Variants in CUL2 observed in about 807,000 individuals in gnomAD.
CUL2 encodes cullin 2.
A neutral mutation model predicts 110.2 loss-of-function variants in CUL2; 22 were observed. The ratio of observed to expected loss-of-function variants is 0.20; its 90% confidence interval spans 0.14 to 0.28. The LOEUF (loss-of-function observed/expected upper bound fraction) is 0.28, where lower values mean the gene tolerates loss of function less well. Ranked by LOEUF, CUL2 falls within the 10% of genes least tolerant of loss-of-function variation. The probability of loss-of-function intolerance (pLI) is 1.00; values close to 1 mark genes in which losing one functional copy is unlikely to be tolerated. For missense variants in CUL2, 631 were observed against 905.5 expected (o/e 0.70, Z 3.89); for synonymous variants, 279 against 293.2 (o/e 0.95, Z 0.49).
intron 1 of CUL2, among the ~76,000 whole-genome samples, chr10:35,103,499 A>AT (rs1288439939): frequency 6.7e-6 from 1 of 149,814 alleles, no homozygotes; most frequent in Admixed American, 6.7e-5. Flanking sequence ...TAATTTTTGT[A>AT]TTTTTAGTAG....
Position 35,115,718 on chromosome 10 carries a change from A to G in CUL2, c.-51+10887T>C, listed in dbSNP as rs532931215. Among the ~76,000 whole-genome samples the G allele has an allele frequency of 5.9e-5, 9 of 152,024 alleles. No individual in the cohort carries two copies. In the South Asian group the frequency reaches 1.9e-3, roughly 32 times the overall value. On this transcript the variant is annotated intron_variant, in intron 1 of 5. Transcript: ENST00000685421. ...AGACCTGCCTGGGCAACATAGTGAC[A>G]CCCCCATCACTACAAAAAAATACAA...
upstream of CUL2, chr10:35,126,996 G>C (rs1335713290): frequency 6.6e-6 from 1 of 152,566 alleles, no homozygotes; most frequent in African/African-American, 2.4e-5. Context: ...GTCGGCTGCA[G>C]CGCTACTTTT....
intron 17 of CUL2, among the ~76,000 whole-genome samples, chr10:35,023,935 A>C (rs1056501271): frequency 1.3e-5 from 2 of 152,152 alleles, no homozygotes; most frequent in Admixed American, 6.5e-5. Context: ...CGTGGGCTCA[A>C]GTGATCCTCC....
intron 1 of CUL2, among the ~76,000 whole-genome samples, chr10:35,076,922 G>A (rs751674135): frequency 6.6e-6 from 1 of 151,942 alleles, no homozygotes; most frequent in Non-Finnish European, 1.5e-5. Flanking sequence ...TGTGGTTGTG[G>A]GCACCTGTAG....
At chr10:35,106,507 T>C (rs1423941517) in intron 1 of CUL2, among the ~76,000 whole-genome samples, 1 of 151,500 alleles carries the variant, frequency 6.6e-6, no homozygotes, top group African/African-American at 2.4e-5. Flanking sequence ...TCTTTTTTTT[T>C]CTTTTTTTTA....
intron 1 of CUL2, chr10:35,118,608 T>C (rs1355701007): frequency 6.6e-6 from 1 of 152,244 alleles, no homozygotes; most frequent in African/African-American, 2.4e-5. Flanking sequence ...CACTTGACTT[T>C]CTCTGGTATA....
At chr10:35,023,493 A>G (rs1564700672) in intron 17 of CUL2, among the ~76,000 whole-genome samples, 1 of 152,234 alleles carries the variant, frequency 6.6e-6, no homozygotes. Flanking sequence ...AAAGAAAGTT[A>G]TTCTCTTTCC....
rs984826381 is a variant in CUL2 at position 35,050,194 on chromosome 10, G to A, written c.424-429C>T. ...AAATGAGCCTGGTGTGGTGGCATGC[G>A]CCTGTAATCCCAGCTACTCGGGAGG... On this transcript the variant is annotated intron_variant, in intron 5 of 20. Coordinates refer to ENST00000374749, the MANE Select transcript of CUL2 (RefSeq NM_003591.4). 4.6e-5 allele frequency among the ~76,000 whole-genome samples: 7 copies of A among 151,958 alleles called. 1 individual carries two copies. Among genetic ancestry groups the A allele is most frequent in the South Asian group, 4.1e-4 (2 of 4,832 alleles).
In CUL2 at chr10:35,038,859, AGAG is replaced by A; in HGVS notation, c.877+58_877+60del. 4.5e-6 allele frequency: 5 copies of A among 1,118,534 alleles called. No individual in the cohort carries two copies. The South Asian group carries it at 4.8e-5, about 11-fold the overall frequency. The allele number at this position is 1,118,534 out of a possible 1,614,324, so 69.3% of individuals were successfully genotyped here. ...AATAGGCATTAAATCAAGGGTGACTAGAGGATGATATAAAAGGTGGATTTATAA... is the reference window on the plus strand; with the variant it reads ...AATAGGCATTAAATCAAGGGTGACTAGATGATATAAAAGGTGGATTTATAA... On this transcript the variant is annotated intron_variant, in intron 9 of 20. Coordinates refer to ENST00000374749, the MANE Select transcript of CUL2 (RefSeq NM_003591.4).
rs1296085201 is a variant in CUL2, at chr10:35,044,868, A to G, written c.507T>C (p.Asn169=). The G allele has an allele frequency of 6.2e-7, 1 of 1,606,820 alleles. No homozygotes were observed. Among genetic ancestry groups the G allele is most frequent in the Non-Finnish European group, 8.5e-7 (1 of 1,174,566 alleles). Residue 169 remains asparagine (N), a splice_region_variant and synonymous_variant, in exon 7 of 21, where the codon AAT becomes AAC. Transcript: ENST00000374749. ...GGTTTGGGTCTTCTCCACCACGATC[A>G]CTAAAACAAGGTATAACACAAAATA... ...LIRMLLREIK[N]DRGGEDPNQK...
chr10:35,059,584 T>G (rs908269828), intron 4 of CUL2, among the ~76,000 whole-genome samples: 3 of 152,184 alleles, frequency 2.0e-5, no homozygotes, highest in Non-Finnish European at 4.4e-5. Context: ...ACCAAACAAC[T>G]TGTGTGACTT....
chr10:35,021,293 G>T (rs1197838472), intron 17 of CUL2, among the ~76,000 whole-genome samples: 3 of 147,108 alleles, frequency 2.0e-5, no homozygotes, highest in Admixed American at 6.9e-5. Context: ...GTCTTGCTCT[G>T]TCGCCCAGGC....
chr10:35,023,783 G>C (rs189071728), intron 17 of CUL2, among the ~76,000 whole-genome samples: 37 of 152,044 alleles, frequency 2.4e-4, no homozygotes, highest in African/African-American at 7.5e-4. Context: ...CTAAAACCCT[G>C]GTCCAGCATT....
intron 20 of CUL2, among the ~76,000 whole-genome samples, chr10:35,011,205 T>C: frequency 7.6e-6 from 1 of 132,378 alleles, no homozygotes; most frequent in Admixed American, 7.5e-5. Context: ...ATTTTTTAAT[T>C]TTTTAATTTT....
intron 14 of CUL2, among the ~76,000 whole-genome samples, chr10:35,030,948 A>G (rs1411968949): frequency 6.6e-6 from 1 of 152,248 alleles, no homozygotes; most frequent in African/African-American, 2.4e-5. Context: ...CACAGGATAA[A>G]TATGAACCTG....
intron 1 of CUL2, among the ~76,000 whole-genome samples, chr10:35,125,052 A>G (rs561218379): frequency 6.6e-6 from 1 of 152,364 alleles, no homozygotes; most frequent in Non-Finnish European, 1.5e-5. Flanking sequence ...TTTAAAATCT[A>G]CAATAATCCT....
At chr10:35,109,360 T>A (rs2087501160) in intron 1 of CUL2, among the ~76,000 whole-genome samples, 1 of 152,214 alleles carries the variant, frequency 6.6e-6, no homozygotes, top group South Asian at 2.1e-4. Flanking sequence ...TTATTTCATA[T>A]ATATTATGTG....
At chr10:35,070,100 T>C (rs953219301) in intron 2 of CUL2, among the ~76,000 whole-genome samples, 1 of 152,228 alleles carries the variant, frequency 6.6e-6, no homozygotes, top group Non-Finnish European at 1.5e-5. Flanking sequence ...CCCTTACCTC[T>C]GAGATCAGTT....
At chr10:35,087,584 C>G (rs1273216244) in intron 1 of CUL2, among the ~76,000 whole-genome samples, 1 of 152,154 alleles carries the variant, frequency 6.6e-6, no homozygotes, top group Non-Finnish European at 1.5e-5. Context: ...TCCCATACAA[C>G]AGCCTGCTTC....
Sources: allele counts gnomAD v4.1 joint callset (sites outside exome capture counted in the v4.1 genomes callset), GRCh38; gene constraint gnomAD v4.1.1; transcripts MANE v1.5; gene names NCBI Gene and HGNC (gene_info 2026-07-23, HGNC 2026-07-21).